STARD13: variants seen among roughly 807,000 people sequenced by gnomAD.
STARD13 encodes the protein StAR related lipid transfer domain containing 13, also known as stAR-related lipid transfer protein 13.
In STARD13, 62 loss-of-function variants were observed where a neutral mutation model predicts 106.4. The observed-to-expected ratio is 0.58, with a 90% CI of 0.48 to 0.72. The LOEUF is 0.72. Among genes scored for constraint, STARD13 ranks in the 30% least tolerant of loss-of-function variants. STARD13 has a pLI of 0.00. For missense variants in STARD13, 1,387 were observed against 1,424.0 expected, an observed-to-expected ratio of 0.97 and a Z score of 0.42; for synonymous variants, 565 against 553.0, an observed-to-expected ratio of 1.02 and a Z score of -0.31.
chr13:33,624,480 A>G, the STARD13 span, among the ~76,000 whole-genome samples: 18,312 of 152,074 alleles, frequency 0.12, 2,761 homozygotes, highest in African/African-American at 0.36. Flanking sequence ...GCATTTATGT[A>G]TTTGTTTACT....
intron 1 of STARD13, among the ~76,000 whole-genome samples, chr13:33,320,133 G>A (rs1893501260): frequency 1.3e-5 from 2 of 152,218 alleles, no homozygotes; most frequent in African/African-American, 4.8e-5. Context: ...TTTGGCTACT[G>A]CTAGAATGAA....
At chr13:33,497,601 C>G in the STARD13 span, among the ~76,000 whole-genome samples, 1 of 152,194 alleles carries the variant, frequency 6.6e-6, no homozygotes, top group African/African-American at 2.4e-5. Flanking sequence ...ATATACAAAC[C>G]TGTCAAGTTC....
chr13:33,356,751 G>A, the STARD13 span, among the ~76,000 whole-genome samples: 3 of 152,126 alleles, frequency 2.0e-5, no homozygotes, highest in Admixed American at 6.5e-5. Flanking sequence ...AACCATTTCT[G>A]CAATTCTCAT....
intron 3 of STARD13, among the ~76,000 whole-genome samples, chr13:33,153,877 G>A (rs908371589): frequency 7.2e-5 from 11 of 152,160 alleles, no homozygotes; most frequent in Admixed American, 2.0e-4. Context: ...GTCCTAGCCC[G>A]GCCTGCTGGG....
At chr13:33,532,329 A>G in the STARD13 span, among the ~76,000 whole-genome samples, 1 of 152,182 alleles carries the variant, frequency 6.6e-6, no homozygotes, top group Non-Finnish European at 1.5e-5. Flanking sequence ...CTTATAAATC[A>G]TGTGCTCTTT....
intron 1 of STARD13, among the ~76,000 whole-genome samples, chr13:33,182,682 TGCGG>T (rs1246956539): frequency 6.6e-6 from 1 of 152,232 alleles, no homozygotes; most frequent in East Asian, 1.9e-4. Context: ...CTGGGCTGCA[TGCGG>T]CCTGGGGCCG....
the STARD13 span, among the ~76,000 whole-genome samples, chr13:33,618,071 T>C: frequency 4.6e-5 from 7 of 152,230 alleles, no homozygotes; most frequent in Non-Finnish European, 8.8e-5. Flanking sequence ...ATGTAAATGA[T>C]GAACAGAAAA....
At chr13:33,672,448 G>A in the STARD13 span, among the ~76,000 whole-genome samples, 1 of 152,120 alleles carries the variant, frequency 6.6e-6, no homozygotes, top group African/African-American at 2.4e-5. Context: ...GGGTTGACAG[G>A]TGCAGCAAAC....
upstream of STARD13, among the ~76,000 whole-genome samples, chr13:33,286,586 T>C (rs1892069488): frequency 6.6e-6 from 1 of 152,168 alleles, no homozygotes; most frequent in South Asian, 2.1e-4. Flanking sequence ...CAAAAGCTTC[T>C]AACATGAGGC....
chr13:33,471,473 A>G, the STARD13 span, among the ~76,000 whole-genome samples: 9 of 152,310 alleles, frequency 5.9e-5, no homozygotes, highest in African/African-American at 2.2e-4. Flanking sequence ...TTTATTTGCT[A>G]CATTTACAAT....
At chr13:33,544,867 G>A in the STARD13 span, among the ~76,000 whole-genome samples, 2 of 148,794 alleles carry the variant, frequency 1.3e-5, no homozygotes, top group Admixed American at 6.8e-5. Context: ...TCTGCCTCCC[G>A]GGTTCAAGCG....
chr13:33,252,429 C>T (rs550863182), intron 1 of STARD13, among the ~76,000 whole-genome samples: 31 of 152,210 alleles, frequency 2.0e-4, no homozygotes, highest in Non-Finnish European at 2.9e-4. Context: ...CAGTGAGTGA[C>T]GGAGAAGATT....
chr13:33,475,639 A>C, the STARD13 span, among the ~76,000 whole-genome samples: 1 of 152,174 alleles, frequency 6.6e-6, no homozygotes, highest in East Asian at 1.9e-4. Context: ...TAAATCATAC[A>C]TTGTTTATTT....
At chr13:33,369,478 A>G in the STARD13 span, among the ~76,000 whole-genome samples, 2 of 152,240 alleles carry the variant, frequency 1.3e-5, no homozygotes, top group Non-Finnish European at 2.9e-5. Context: ...AAAAGCTTAC[A>G]TTTAAGTTAA....
upstream of STARD13, among the ~76,000 whole-genome samples, chr13:33,285,936 A>G (rs1349311627): frequency 6.6e-6 from 1 of 151,908 alleles, no homozygotes; most frequent in Non-Finnish European, 1.5e-5. Flanking sequence ...AGCAAAATAC[A>G]CGTATTTGAC....
the STARD13 span, among the ~76,000 whole-genome samples, chr13:33,651,054 G>A: frequency 6.6e-6 from 1 of 152,210 alleles, no homozygotes; most frequent in African/African-American, 2.4e-5. Context: ...AAGACAAGGT[G>A]GATAATATCA....
At chr13:33,572,822 T>C in the STARD13 span, among the ~76,000 whole-genome samples, 1 of 152,168 alleles carries the variant, frequency 6.6e-6, no homozygotes, top group Non-Finnish European at 1.5e-5. Context: ...TTAGGTATCA[T>C]AAATAACCTG....
In STARD13 at chr13:33,126,199, T is replaced by C. The variant is rs1877142250; in HGVS notation, c.1964A>G (p.Tyr655Cys). Residue 655 changes from tyrosine (Y) to cysteine (C), a missense_variant, in exon 7 of 14, where the codon TAC (tyrosine) becomes TGC (cysteine). Transcript: ENST00000336934. ...AACGCCAAAGACAGCCTTGTCTTTGTAGTCGGGAACTTTCATCCTCTTCAT... is the reference window on the plus strand; with the variant it reads ...AACGCCAAAGACAGCCTTGTCTTTGCAGTCGGGAACTTTCATCCTCTTCAT... ...KFMKRMKVPD[Y>C]KDKAVFGVPL... 2 of 1,614,084 alleles carry C rather than the reference T, an allele frequency of 1.2e-6. No homozygotes were observed. Among genetic ancestry groups the C allele is most frequent in the Non-Finnish European group, 1.7e-6 (2 of 1,180,052 alleles).
intron 1 of STARD13, among the ~76,000 whole-genome samples, chr13:33,193,142 A>T (rs1594083544): frequency 6.6e-6 from 1 of 152,214 alleles, no homozygotes; most frequent in Admixed American, 6.5e-5. Flanking sequence ...AAGAAAGGAC[A>T]AACAATTCCT....
Sources: gnomAD v4.1 joint callset for allele counts (sites outside exome capture counted in the v4.1 genomes callset) on GRCh38, gnomAD v4.1.1 for gene constraint, MANE v1.5 for transcripts, NCBI Gene and HGNC (gene_info 2026-07-23, HGNC 2026-07-21) for gene names.